The following CCBE1 variants were observed in gnomAD, a reference collection of about 807,000 sequenced individuals.
The protein encoded by CCBE1 is collagen and calcium-binding EGF domain-containing protein 1.
Under a neutral mutation model 50.0 loss-of-function variants are expected in CCBE1, and 37 were observed. That is an observed-to-expected ratio of 0.74 (90% CI 0.57 to 0.97). The LOEUF is 0.97. Ranked by LOEUF, CCBE1 falls within the 50% of genes least tolerant of loss-of-function variation. CCBE1 has a pLI of 0.00. For synonymous variants in CCBE1, 234 were observed against 203.7 expected, an observed-to-expected ratio of 1.15 and a Z score of -1.27; for missense variants, 538 against 523.8, an observed-to-expected ratio of 1.03 and a Z score of -0.26.
intron 1 of CCBE1, 147 bp from the exon 2 acceptor site, chr18:59,696,856 G>A (rs902416097): frequency 6.7e-6 from 6 of 900,042 alleles, no homozygotes; most frequent in Non-Finnish European, 8.9e-6. Context: ...CGCGTACGCG[G>A]GGCAGACTCC....
intron 4 of CCBE1, 49 bp downstream of exon 4, chr18:59,469,424 G>C: frequency 6.2e-7 from 1 of 1,613,376 alleles, no homozygotes; most frequent in South Asian, 1.1e-5. Context: ...AGAACCATCT[G>C]AACAAGGCAC....
chr18:59,580,847 G>C (rs181500283), intron 2 of CCBE1, among the ~76,000 whole-genome samples: 12 of 152,318 alleles, frequency 7.9e-5, no homozygotes, highest in African/African-American at 2.4e-4. Flanking sequence ...GGTGACTAGA[G>C]AATGCTGAAG....
At chr18:59,501,201 C>T (rs560924174) in intron 2 of CCBE1, among the ~76,000 whole-genome samples, 6 of 152,320 alleles carry the variant, frequency 3.9e-5, no homozygotes, top group Admixed American at 6.5e-5. Flanking sequence ...AAGCCAGAAG[C>T]GTCAAGGCTG....
chr18:59,440,912 G>A (rs1223682762), intron 7 of CCBE1, among the ~76,000 whole-genome samples: 1 of 152,120 alleles, frequency 6.6e-6, no homozygotes, highest in Non-Finnish European at 1.5e-5. Flanking sequence ...TGTGTGTAGG[G>A]GCTGCTGAAA....
chr18:59,510,747 G>C (rs1028722357), intron 2 of CCBE1, among the ~76,000 whole-genome samples: 28 of 152,132 alleles, frequency 1.8e-4, no homozygotes, highest in African/African-American at 5.8e-4. Flanking sequence ...TTTCATAAAT[G>C]CTTCCTTATC....
At chr18:59,690,411 A>G (rs889053235) in intron 2 of CCBE1, among the ~76,000 whole-genome samples, 4 of 152,222 alleles carry the variant, frequency 2.6e-5, no homozygotes, top group South Asian at 4.1e-4. Context: ...TAGATACTCA[A>G]CAATGCCTTA....
chr18:59,625,430 CAAAA>C (rs750324482), intron 2 of CCBE1, among the ~76,000 whole-genome samples: 117 of 69,910 alleles, frequency 1.7e-3, no homozygotes, highest in Middle Eastern at 8.5e-3. Flanking sequence ...GATTCTGTCT[CAAAA>C]AAAAAAAAAA....
intron 4 of CCBE1, 24 bp downstream of exon 4, chr18:59,469,449 G>A (rs1267152180): frequency 1.2e-6 from 2 of 1,614,012 alleles, no homozygotes; most frequent in African/African-American, 2.7e-5. Flanking sequence ...TCAGAAGCTG[G>A]AAACAAGCAC....
At chr18:59,693,055 G>A (rs1274503232) in intron 2 of CCBE1, among the ~76,000 whole-genome samples, 1 of 152,002 alleles carries the variant, frequency 6.6e-6, no homozygotes, top group African/African-American at 2.4e-5. Flanking sequence ...TGTGGTGAAG[G>A]TGATGGCAGT....
chr18:59,623,592 T>C (rs771155364), intron 2 of CCBE1, among the ~76,000 whole-genome samples: 3 of 152,150 alleles, frequency 2.0e-5, no homozygotes, highest in Non-Finnish European at 2.9e-5. Flanking sequence ...CAGGTAATAA[T>C]CAATGGCCGT....
chr18:59,612,714 A>G (rs1356517618), intron 2 of CCBE1, among the ~76,000 whole-genome samples: 1 of 152,056 alleles, frequency 6.6e-6, no homozygotes, highest in East Asian at 1.9e-4. Flanking sequence ...GCTCAGTGCT[A>G]TGCAATGGGA....
chr18:59,528,305 T>C (rs1288730875), intron 2 of CCBE1, among the ~76,000 whole-genome samples: 2 of 152,248 alleles, frequency 1.3e-5, no homozygotes, highest in African/African-American at 4.8e-5. Context: ...ATGTTGTTTT[T>C]CAGCTCCATC....
intron 2 of CCBE1, among the ~76,000 whole-genome samples, chr18:59,498,609 C>A (rs1913467488): frequency 6.6e-6 from 1 of 152,204 alleles, no homozygotes; most frequent in South Asian, 2.1e-4. Context: ...GCAAAGCAGG[C>A]AAGAGTAAGA....
chr18:59,508,462 T>C (rs1294649809), intron 2 of CCBE1, among the ~76,000 whole-genome samples: 2 of 151,716 alleles, frequency 1.3e-5, no homozygotes, highest in Non-Finnish European at 2.9e-5. Context: ...CCAGATATGG[T>C]GGCACATGCC....
chr18:59,622,122 C>T (rs965869905), intron 2 of CCBE1, among the ~76,000 whole-genome samples: 1 of 152,218 alleles, frequency 6.6e-6, no homozygotes, highest in East Asian at 1.9e-4. Flanking sequence ...AAGTGATTTT[C>T]TCTTCCATGG....
intron 2 of CCBE1, chr18:59,688,245 T>G (rs2054683671): frequency 6.6e-6 from 1 of 152,154 alleles, no homozygotes; most frequent in Non-Finnish European, 1.5e-5. Flanking sequence ...GCTGAGGAGT[T>G]CAAGACCAGC....
At chr18:59,514,003 C>T (rs748632761) in intron 2 of CCBE1, among the ~76,000 whole-genome samples, 1 of 152,152 alleles carries the variant, frequency 6.6e-6, no homozygotes, top group Non-Finnish European at 1.5e-5. Context: ...GTAGCCACAA[C>T]GAGAACAGCA....
At chr18:59,601,230 G>A (rs965306546) in intron 2 of CCBE1, among the ~76,000 whole-genome samples, 1 of 151,554 alleles carries the variant, frequency 6.6e-6, no homozygotes, top group Admixed American at 6.6e-5. Flanking sequence ...ATAGGGTGAT[G>A]TGGTTTGGCT....
chr18:59,571,299 A>G (rs975404878), intron 2 of CCBE1, among the ~76,000 whole-genome samples: 11 of 152,188 alleles, frequency 7.2e-5, no homozygotes, highest in African/African-American at 2.4e-4. Context: ...ATTTTAAAAA[A>G]TCTATCCTTG....
Sources: allele counts gnomAD v4.1 joint callset (sites outside exome capture counted in the v4.1 genomes callset), GRCh38; gene constraint gnomAD v4.1.1; transcripts MANE v1.5; gene names NCBI Gene and HGNC (gene_info 2026-07-23, HGNC 2026-07-21).